OXCT1: variants seen among roughly 807,000 people sequenced by gnomAD.
The protein encoded by OXCT1 is 3-oxoacid CoA-transferase 1.
In OXCT1, 27 loss-of-function variants were observed where a neutral mutation model predicts 69.6. The observed-to-expected ratio is 0.39, with a 90% CI of 0.29 to 0.54. OXCT1 has a LOEUF of 0.54. Among genes scored for constraint, OXCT1 ranks in the 20% least tolerant of loss-of-function variants. The pLI, the probability that OXCT1 is intolerant of heterozygous loss-of-function variation, is 0.72. For missense variants in OXCT1, 437 were observed against 650.2 expected (o/e 0.67, Z 3.57); for synonymous variants, 202 against 217.8 (o/e 0.93, Z 0.64).
chr5:41,780,906 A>ATT (rs879407845), intron 13 of OXCT1, among the ~76,000 whole-genome samples: 6 of 141,568 alleles, frequency 4.2e-5, no homozygotes, highest in South Asian at 2.3e-4. Flanking sequence ...TGTCTCCCAC[A>ATT]TTTTTTTTTT....
intron 7 of OXCT1, among the ~76,000 whole-genome samples, chr5:41,836,690 AG>A (rs1748379842): frequency 6.6e-6 from 1 of 152,144 alleles, no homozygotes; most frequent in South Asian, 2.1e-4. Flanking sequence ...AGTTCATAAC[AG>A]GGTTCCCACT....
At chr5:41,752,624 G>A (rs534249948) in intron 14 of OXCT1, among the ~76,000 whole-genome samples, 11 of 152,074 alleles carry the variant, frequency 7.2e-5, no homozygotes, top group South Asian at 2.1e-4. Context: ...GTGTCTGTGC[G>A]TGCCTGTAGT....
intron 6 of OXCT1, among the ~76,000 whole-genome samples, chr5:41,840,773 A>G (rs933977584): frequency 6.6e-6 from 1 of 152,182 alleles, no homozygotes; most frequent in Non-Finnish European, 1.5e-5. Flanking sequence ...CATTCAACAT[A>G]TAGCTACAAC....
intron 11 of OXCT1, among the ~76,000 whole-genome samples, chr5:41,796,008 T>A (rs1177710875): frequency 6.6e-6 from 1 of 152,196 alleles, no homozygotes; most frequent in Non-Finnish European, 1.5e-5. Flanking sequence ...GACTCATCTG[T>A]ACTCTCTTGC....
At chr5:41,829,972 A>G (rs866214360) in intron 7 of OXCT1, among the ~76,000 whole-genome samples, 1 of 152,208 alleles carries the variant, frequency 6.6e-6, no homozygotes, top group Non-Finnish European at 1.5e-5. Flanking sequence ...AAGTATGATC[A>G]GTCAGTTCAT....
At chr5:41,788,448 A>T (rs1218468066) in intron 13 of OXCT1, among the ~76,000 whole-genome samples, 1 of 152,318 alleles carries the variant, frequency 6.6e-6, no homozygotes, top group Non-Finnish European at 1.5e-5. Flanking sequence ...CTATATGATT[A>T]CAAAAACCTA....
chr5:41,818,508 C>G (rs983886510), intron 7 of OXCT1, among the ~76,000 whole-genome samples: 1 of 152,132 alleles, frequency 6.6e-6, no homozygotes, highest in African/African-American at 2.4e-5. Flanking sequence ...GGAAATATGG[C>G]GTCCTTCACA....
intron 13 of OXCT1, among the ~76,000 whole-genome samples, chr5:41,771,581 T>C (rs1281950814): frequency 6.6e-6 from 1 of 152,194 alleles, no homozygotes; most frequent in Non-Finnish European, 1.5e-5. Context: ...AGTCTATTCA[T>C]AATACTACAG....
chr5:41,857,625 C>A (rs1749493432), intron 3 of OXCT1, among the ~76,000 whole-genome samples: 1 of 152,190 alleles, frequency 6.6e-6, no homozygotes, highest in African/African-American at 2.4e-5. Context: ...TATTGGATAA[C>A]CCCCTCCATA....
At chr5:41,779,386 C>T (rs201172102) in intron 13 of OXCT1, among the ~76,000 whole-genome samples, 1 of 152,268 alleles carries the variant, frequency 6.6e-6, no homozygotes, top group South Asian at 2.1e-4. Flanking sequence ...GCCAGTTATA[C>T]TAGCCACATT....
chr5:41,754,667 C>T (rs1743972412), intron 14 of OXCT1, among the ~76,000 whole-genome samples: 1 of 152,098 alleles, frequency 6.6e-6, no homozygotes, highest in African/African-American at 2.4e-5. Flanking sequence ...CTGCATTTGT[C>T]CTCATGGGAT....
At chr5:41,781,299 A>G (rs900951005) in intron 13 of OXCT1, among the ~76,000 whole-genome samples, 2 of 152,138 alleles carry the variant, frequency 1.3e-5, no homozygotes, top group African/African-American at 2.4e-5. Flanking sequence ...TCTACCCTTC[A>G]TTGTTAATAC....
intron 16 of OXCT1, among the ~76,000 whole-genome samples, chr5:41,735,624 T>C (rs1742848204): frequency 6.6e-6 from 1 of 152,214 alleles, no homozygotes; most frequent in African/African-American, 2.4e-5. Context: ...CTGAACAGCA[T>C]CACAAGCATT....
chr5:41,756,568 C>T (rs892239896), intron 14 of OXCT1, among the ~76,000 whole-genome samples: 2 of 152,012 alleles, frequency 1.3e-5, no homozygotes, highest in African/African-American at 2.4e-5. Context: ...GTTAGAAGTG[C>T]TTTCTATATG....
rs370775237 is a variant in OXCT1 at position 41,807,904 on chromosome 5, C to A, written c.733-466G>T. 3.3e-5 allele frequency among the ~76,000 whole-genome samples: 5 copies of A among 151,956 alleles called. No homozygotes were observed. The East Asian group carries it at 5.8e-4, about 18-fold the overall frequency. ...AGCTTTTTAAATATAGATACAAATG[C>A]TATTTGTAACAGTTGTAAATTATTC... On this transcript the variant is annotated intron_variant, in intron 7 of 16. Coordinates refer to ENST00000196371, the MANE Select transcript of OXCT1 (RefSeq NM_000436.4).
chr5:41,780,481 T>C (rs1050497264), intron 13 of OXCT1, among the ~76,000 whole-genome samples: 5 of 152,200 alleles, frequency 3.3e-5, no homozygotes, highest in African/African-American at 1.2e-4. Flanking sequence ...TAATATTAAG[T>C]TAAAACTCTA....
intron 7 of OXCT1, among the ~76,000 whole-genome samples, chr5:41,818,197 C>A (rs1395874353): frequency 1.3e-5 from 2 of 151,968 alleles, no homozygotes; most frequent in Non-Finnish European, 2.9e-5. Context: ...AGACAGGTAA[C>A]CAGAGTATCA....
chr5:41,840,418 A>C (rs1748571642), intron 7 of OXCT1, 33 bp downstream of exon 7: 2 of 1,499,518 alleles, frequency 1.3e-6, no homozygotes, highest in Non-Finnish European at 1.9e-6. Context: ...AAGTTAAATA[A>C]TTAACACCAA....
At chr5:41,764,608 T>C (rs1744509088) in intron 13 of OXCT1, among the ~76,000 whole-genome samples, 1 of 152,198 alleles carries the variant, frequency 6.6e-6, no homozygotes, top group Middle Eastern at 3.2e-3. Flanking sequence ...AAGTGTCTTT[T>C]CCCTAAGCCT....
Sources: gnomAD v4.1 joint callset for allele counts (sites outside exome capture counted in the v4.1 genomes callset) on GRCh38, gnomAD v4.1.1 for gene constraint, MANE v1.5 for transcripts, NCBI Gene and HGNC (gene_info 2026-07-23, HGNC 2026-07-21) for gene names.